GLI2: variants seen among roughly 807,000 people sequenced by gnomAD.
GLI2 encodes GLI family zinc finger 2.
Under a neutral mutation model 78.9 loss-of-function variants are expected in GLI2, and 22 were observed. The ratio of observed to expected loss-of-function variants is 0.28; its 90% CI spans 0.20 to 0.40. GLI2 has a LOEUF of 0.40. Among genes scored for constraint, GLI2 ranks in the 10% least tolerant of loss-of-function variants. The pLI is 1.00. For synonymous variants in GLI2, 974 were observed against 963.7 expected, an observed-to-expected ratio of 1.01 and a Z score of -0.20; for missense variants, 2,097 against 2,213.2, an observed-to-expected ratio of 0.95 and a Z score of 1.05.
chr2:120,873,960 A>C lies in GLI2; in HGVS notation c.149-53401A>C, dbSNP rs562332086. Among the ~76,000 whole-genome samples, 3 of 152,228 alleles carry C rather than the reference A, an allele frequency of 2.0e-5. No homozygotes were observed. The East Asian group carries it at 5.8e-4, about 29-fold the overall frequency. On this transcript the variant is annotated intron_variant, in intron 2 of 13. Transcript: ENST00000361492. The stretch of plus-strand genomic sequence containing the variant: ...ACACCCATGTTGTGGCCAGATCCCC[A>C]TGTCGGGAACCTGCTCCAGGGATAA...
At chr2:120,877,897 C>T (rs1688841599) in intron 2 of GLI2, among the ~76,000 whole-genome samples, 1 of 152,070 alleles carries the variant, frequency 6.6e-6, no homozygotes, top group Non-Finnish European at 1.5e-5. Flanking sequence ...AATGGAACTG[C>T]TGGGTTATAG....
chr2:120,798,294 A>T (rs922478011), intron 2 of GLI2, among the ~76,000 whole-genome samples: 1 of 152,128 alleles, frequency 6.6e-6, no homozygotes, highest in African/African-American at 2.4e-5. Flanking sequence ...TGATGTATAC[A>T]CAGTTGTTGG....
intron 5 of GLI2, among the ~76,000 whole-genome samples, chr2:120,961,988 T>G (rs1258932088): frequency 2.0e-5 from 3 of 152,168 alleles, no homozygotes; most frequent in Non-Finnish European, 4.4e-5. Flanking sequence ...TCTTTCCTCC[T>G]GCCCCTCAGC....
chr2:120,817,822 G>A (rs767712106), intron 2 of GLI2, among the ~76,000 whole-genome samples: 5 of 152,032 alleles, frequency 3.3e-5, no homozygotes. Flanking sequence ...CGGGCGTAGC[G>A]TCCTCACCCA....
chr2:120,766,853 A>G (rs1384456023), intron 1 of GLI2, among the ~76,000 whole-genome samples: 2 of 152,188 alleles, frequency 1.3e-5, no homozygotes, highest in East Asian at 3.9e-4. Flanking sequence ...TTCCTGGGAA[A>G]AATTCCAGAG....
intron 1 of GLI2, among the ~76,000 whole-genome samples, chr2:120,766,919 T>C (rs1683381757): frequency 6.6e-6 from 1 of 152,148 alleles, no homozygotes; most frequent in Non-Finnish European, 1.5e-5. Flanking sequence ...GCAGTGTCAC[T>C]GGGCAGGGAC....
intron 2 of GLI2, among the ~76,000 whole-genome samples, chr2:120,914,413 T>A (rs1460609630): frequency 6.6e-6 from 1 of 152,242 alleles, no homozygotes; most frequent in Non-Finnish European, 1.5e-5. Context: ...GGAGCCATGG[T>A]CCTCTGGGCT....
At chr2:120,836,152 C>A (rs1254415990) in intron 2 of GLI2, among the ~76,000 whole-genome samples, 2 of 152,204 alleles carry the variant, frequency 1.3e-5, no homozygotes, top group Non-Finnish European at 2.9e-5. Context: ...GAACCCCTAT[C>A]TATTGCTCTT....
intron 2 of GLI2, among the ~76,000 whole-genome samples, chr2:120,824,590 C>G (rs967204498): frequency 7.2e-5 from 11 of 151,806 alleles, no homozygotes; most frequent in Non-Finnish European, 1.5e-4. Flanking sequence ...CTGTAAGCCC[C>G]TTTGGGCCCC....
intron 3 of GLI2, among the ~76,000 whole-genome samples, chr2:120,932,863 A>T (rs949559421): frequency 6.6e-6 from 1 of 152,044 alleles, no homozygotes; most frequent in Non-Finnish European, 1.5e-5. Context: ...CTGTCTGGGG[A>T]CTGTGGCACA....
intron 1 of GLI2, among the ~76,000 whole-genome samples, chr2:120,796,616 C>T (rs527824987): frequency 3.8e-3 from 585 of 152,344 alleles, no homozygotes; most frequent in Middle Eastern, 0.014. Flanking sequence ...CCCTGCAACC[C>T]TCTCTGTCCT....
intron 7 of GLI2, among the ~76,000 whole-genome samples, chr2:120,970,894 A>T (rs1454532880): frequency 6.6e-6 from 1 of 152,214 alleles, no homozygotes; most frequent in Non-Finnish European, 1.5e-5. Flanking sequence ...CTCCATGCAC[A>T]GCACATAGCA....
chr2:120,908,170 G>A (rs2104804120), intron 2 of GLI2, among the ~76,000 whole-genome samples: 1 of 152,296 alleles, frequency 6.6e-6, no homozygotes, highest in African/African-American at 2.4e-5. Context: ...GCCATGGCCT[G>A]GGGGGCCTGT....
In GLI2 at chr2:120,975,165, G is replaced by T. The variant is rs368059194; in HGVS notation, c.1317+56G>T. The T allele has an allele frequency of 8.9e-6, 14 of 1,571,862 alleles. No homozygotes were observed. In the African/African-American group the frequency reaches 1.8e-4, roughly 20 times the overall value. On this transcript the variant is annotated intron_variant, in intron 9 of 13. Coordinates refer to ENST00000361492, the MANE Select transcript of GLI2 (RefSeq NM_001374353.1). ...CCGGGGCACGGCCCAGGCCATGCAG[G>T]ATGCTGAGCCTTCCAGGGCCTCTAC...
chr2:120,850,062 G>A (rs1343519334), intron 2 of GLI2, among the ~76,000 whole-genome samples: 1 of 152,196 alleles, frequency 6.6e-6, no homozygotes, highest in East Asian at 1.9e-4. Flanking sequence ...ACAAAGGCAG[G>A]TGATGGAGTA....
At chr2:120,894,736 T>C (rs1376664232) in intron 2 of GLI2, among the ~76,000 whole-genome samples, 1 of 151,036 alleles carries the variant, frequency 6.6e-6, no homozygotes, top group Admixed American at 6.6e-5. Flanking sequence ...TTTGCCCTTG[T>C]TGCCCAGGCT....
At chr2:120,867,951 CCAGGCGAG>C (rs1688230352) in intron 2 of GLI2, among the ~76,000 whole-genome samples, 1 of 152,166 alleles carries the variant, frequency 6.6e-6, no homozygotes, top group African/African-American at 2.4e-5. Flanking sequence ...CTGCGTGGAC[CCAGGCGAG>C]CGTGCCAGGG....
At chr2:120,928,583 T>C (rs1573618302) in intron 3 of GLI2, among the ~76,000 whole-genome samples, 1 of 152,140 alleles carries the variant, frequency 6.6e-6, no homozygotes, top group East Asian at 1.9e-4. Context: ...CCGCCACCTA[T>C]GAAGGCACAT....
At chr2:120,825,511 A>G (rs1242662287) in intron 2 of GLI2, among the ~76,000 whole-genome samples, 1 of 144,528 alleles carries the variant, frequency 6.9e-6, no homozygotes, top group Non-Finnish European at 1.5e-5. Context: ...GTGGGTGTGC[A>G]CCTGACTGTG....
Sources: gnomAD v4.1 joint callset for allele counts (sites outside exome capture counted in the v4.1 genomes callset) on GRCh38, gnomAD v4.1.1 for gene constraint, MANE v1.5 for transcripts, NCBI Gene and HGNC (gene_info 2026-07-23, HGNC 2026-07-21) for gene names.